Variants in SECISBP2 observed in about 807,000 individuals in gnomAD.
SECISBP2 encodes selenocysteine insertion sequence-binding protein 2.
SECISBP2 carries 96 observed loss-of-function variants against 98.2 expected under a neutral mutation model. That is an observed-to-expected ratio of 0.98 (90% CI 0.83 to 1.16). The LOEUF (loss-of-function observed/expected upper bound fraction) is 1.16, where lower values mean the gene tolerates loss of function less well. Ranked by LOEUF, SECISBP2 falls within the 50% of genes most tolerant of loss-of-function variation. The pLI is 0.00. For missense variants in SECISBP2, 1,046 were observed against 1,022.9 expected (o/e 1.02, Z -0.31); for synonymous variants, 407 against 370.2 (o/e 1.10, Z -1.14).
In SECISBP2 at chr9:89,333,786, C is replaced by T. The variant is rs139703515; in HGVS notation, c.881-736C>T. 5.2e-3 allele frequency among the ~76,000 whole-genome samples: 788 copies of T among 152,364 alleles called. 4 individuals carry two copies. The highest frequency in any genetic ancestry group is 9.7e-3 in the Non-Finnish European group (657 of 68,026). Reference sequence around the variant, plus strand: ...TTTGATATTTTTACAGTAGCTTGTCCTAACAGAGACATTTTTACAAAATGA... The same window carrying T: ...TTTGATATTTTTACAGTAGCTTGTCTTAACAGAGACATTTTTACAAAATGA... On this transcript the variant is annotated intron_variant, in intron 6 of 16. Transcript: ENST00000375807.
chr9:89,340,818 A>C (rs1829544623), intron 9 of SECISBP2, among the ~76,000 whole-genome samples: 1 of 152,238 alleles, frequency 6.6e-6, no homozygotes, highest in South Asian at 2.1e-4. Flanking sequence ...TCAAAACCCA[A>C]ATCACAACAA....
At chr9:89,319,218 C>T (rs918753439) in intron 1 of SECISBP2, among the ~76,000 whole-genome samples, 2 of 152,212 alleles carry the variant, frequency 1.3e-5, no homozygotes, top group African/African-American at 2.4e-5. Flanking sequence ...AATGCATATG[C>T]TTTTGTGCAA....
intron 7 of SECISBP2, among the ~76,000 whole-genome samples, chr9:89,336,080 G>GTTTTTTT (rs1564372011): frequency 9.0e-5 from 4 of 44,548 alleles, no homozygotes; most frequent in African/African-American, 1.6e-4. Flanking sequence ...AATTTTAAGT[G>GTTTTTTT]CTTTTTTTTT....
chr9:89,343,910 A>G (rs1320560293), intron 10 of SECISBP2, among the ~76,000 whole-genome samples: 1 of 152,184 alleles, frequency 6.6e-6, no homozygotes, highest in Non-Finnish European at 1.5e-5. Context: ...CTGCTGAATC[A>G]CCACACTGCT....
At chr9:89,366,515 T>TA in the SECISBP2 span, among the ~76,000 whole-genome samples, 29 of 151,422 alleles carry the variant, frequency 1.9e-4, no homozygotes, top group South Asian at 4.2e-4. Context: ...GTGCAGAATT[T>TA]AAAAAAAAAC....
intron 5 of SECISBP2, 76 bp from the exon 6 acceptor site, chr9:89,332,832 G>A (rs893032733): frequency 1.7e-6 from 2 of 1,167,722 alleles, no homozygotes; most frequent in Admixed American, 1.7e-5. Context: ...AAAGTGTTCT[G>A]GATTTTGATA....
chr9:89,353,782 TCTC>T (rs1423205296), intron 14 of SECISBP2, among the ~76,000 whole-genome samples: 1 of 152,208 alleles, frequency 6.6e-6, no homozygotes, highest in Admixed American at 6.5e-5. Context: ...AAGACATCAT[TCTC>T]CTTCTCTGCC....
Position 89,318,574 on chromosome 9 carries a change from G to T in SECISBP2, c.-3G>T, listed in dbSNP as rs566980029. ...TGACGCGGCCTCCTCCGCGCCTCGC[G>T]GCATGGCGTCGGAGGGGCCGCGGGA... On this transcript the variant is annotated 5_prime_UTR_variant, in exon 1 of 17. Transcript: ENST00000375807. 13 of 1,502,072 alleles carry T rather than the reference G, an allele frequency of 8.7e-6. 1 individual carries two copies. In the South Asian group the frequency reaches 1.6e-4, roughly 19 times the overall value. The allele number at this position is 1,502,072 out of a possible 1,614,324, so 93.0% of individuals were successfully genotyped here.
At chr9:89,331,986 G>A (rs564678333) in intron 5 of SECISBP2, among the ~76,000 whole-genome samples, 2 of 152,254 alleles carry the variant, frequency 1.3e-5, no homozygotes, top group East Asian at 3.8e-4. Flanking sequence ...GTGAGATTTG[G>A]TTGAAGGAAG....
intron 2 of SECISBP2, among the ~76,000 whole-genome samples, chr9:89,320,317 C>G (rs1033090021): frequency 7.3e-6 from 1 of 137,414 alleles, no homozygotes; most frequent in Non-Finnish European, 1.5e-5. Flanking sequence ...GATAGCACCA[C>G]TACACTCAAG....
chr9:89,364,075 C>A (rs45615438), downstream of SECISBP2: 2 of 1,576,308 alleles, frequency 1.3e-6, no homozygotes, highest in Non-Finnish European at 1.7e-6. Flanking sequence ...GGACAACTTC[C>A]AATTCAGTCC....
intron 14 of SECISBP2, 86 bp from the exon 15 acceptor site, chr9:89,357,325 G>A (rs1455406408): frequency 6.9e-7 from 1 of 1,445,330 alleles, no homozygotes; most frequent in East Asian, 2.3e-5. Flanking sequence ...TGGGTGTGTT[G>A]CTAAGAAAAA....
chr9:89,320,341 G>A (rs1330116000), intron 2 of SECISBP2, among the ~76,000 whole-genome samples: 1 of 126,264 alleles, frequency 7.9e-6, no homozygotes, highest in Non-Finnish European at 1.6e-5. Context: ...GGCTGACAGA[G>A]TGAGACTCTG....
chr9:89,341,370 G>A lies in SECISBP2; in HGVS notation c.1326G>A (p.Lys442=). 1 of 1,613,766 alleles carries A rather than the reference G, an allele frequency of 6.2e-7. No individual in the cohort carries two copies. Among genetic ancestry groups the A allele is most frequent in the Non-Finnish European group, 8.5e-7 (1 of 1,179,766 alleles). ...QPQDNFKNNV[K]KSQLPVQLDL... The stretch of plus-strand genomic sequence containing the variant: ...AGGATAATTTTAAAAATAATGTAAA[G>A]AAGAGCCAGCTTCCAGTGCAGTTGG... The change falls in exon 10 of 17, where the codon AAG becomes AAA. Residue 442 remains lysine, a synonymous_variant. Transcript: ENST00000375807.
chr9:89,358,900 T>G lies in SECISBP2; in HGVS notation c.*76T>G. On this transcript the variant is annotated 3_prime_UTR_variant, in exon 17 of 17. Transcript: ENST00000375807. The stretch of plus-strand genomic sequence containing the variant: ...AAGACTTTGGGGCTTTTTCTTCTGT[T>G]TTTCATGACAATGTAATTTGTGTAA... 1 of 861,774 alleles carries G rather than the reference T, an allele frequency of 1.2e-6. No homozygotes were observed. Among genetic ancestry groups the G allele is most frequent in the Non-Finnish European group, 1.9e-6 (1 of 519,662 alleles). 53.4% of individuals were successfully genotyped at this position (861,774 alleles called of 1,614,324 possible).
chr9:89,355,362 G>T, intron 14 of SECISBP2: 1 of 985,418 alleles, frequency 1.0e-6, no homozygotes, highest in Non-Finnish European at 1.2e-6. Context: ...AGACCACTGT[G>T]TTCCCTCCCA....
intron 7 of SECISBP2, among the ~76,000 whole-genome samples, chr9:89,335,361 G>T (rs972211550): frequency 6.6e-6 from 1 of 151,920 alleles, no homozygotes; most frequent in Non-Finnish European, 1.5e-5. Context: ...TTTAGATGGG[G>T]TCTCACTGTT....
At chr9:89,350,500 G>C in intron 13 of SECISBP2, 132 bp from the exon 14 acceptor site, 1 of 822,674 alleles carries the variant, frequency 1.2e-6, no homozygotes, top group South Asian at 1.3e-5. Context: ...CACAGTTCTG[G>C]TTAGTAGTAC....
chr9:89,320,172 C>T (rs954667031), intron 2 of SECISBP2, among the ~76,000 whole-genome samples: 6 of 151,980 alleles, frequency 3.9e-5, no homozygotes, highest in Non-Finnish European at 8.8e-5. Context: ...GTGTGACCAA[C>T]ATGGTGAAAC....
Sources: gnomAD v4.1 joint callset for allele counts (sites outside exome capture counted in the v4.1 genomes callset) on GRCh38, gnomAD v4.1.1 for gene constraint, MANE v1.5 for transcripts, NCBI Gene and HGNC (gene_info 2026-07-23, HGNC 2026-07-21) for gene names.